The following ZNF285 variants were observed in gnomAD, a reference collection of about 807,000 sequenced individuals.
ZNF285 encodes the protein zinc finger protein 285, also known as zinc finger protein 285A.
In ZNF285, 4 loss-of-function variants were observed where a neutral mutation model predicts 6.2. The observed-to-expected ratio is 0.65, with a 90% CI of 0.32 to 1.49. ZNF285 has a LOEUF of 1.49. ZNF285 is among the 40% of genes most tolerant of loss of function. The pLI is 0.07. For synonymous variants in ZNF285, 240 were observed against 245.8 expected, an observed-to-expected ratio of 0.98 and a Z score of 0.22; for missense variants, 695 against 708.8, an observed-to-expected ratio of 0.98 and a Z score of 0.22.
chr19:44,398,349 T>C (rs1455498947), intron 1 of ZNF285, among the ~76,000 whole-genome samples: 3 of 152,132 alleles, frequency 2.0e-5, no homozygotes, highest in Non-Finnish European at 4.4e-5. Context: ...CCAGTTAGCT[T>C]CCAGTTGGGT....
chr19:44,387,286 T>A lies in ZNF285; in HGVS notation c.959A>T (p.Glu320Val). Residue 320 changes from glutamate to valine, a missense_variant, in exon 4 of 4, where the codon GAA becomes GTA. Glu to Val is a moderately radical substitution (Grantham distance 121, BLOSUM62 -2). Transcript: ENST00000614994. ...SSGDKPYKCK[E>V]CGKGFRRSSS... ...GCTGCGCCTGAAGCCCTTGCCACAT[T>A]CTTTACATTTGTAGGGTTTGTCTCC... is the stretch of plus-strand genomic sequence containing the variant. 6.2e-7 allele frequency: 1 copy of A among 1,614,186 alleles called. No individual in the cohort carries two copies. The highest frequency in any genetic ancestry group is 1.1e-5 in the South Asian group (1 of 91,088).
intron 2 of ZNF285, among the ~76,000 whole-genome samples, chr19:44,394,082 A>T (rs979692041): frequency 1.3e-5 from 2 of 151,880 alleles, no homozygotes; most frequent in African/African-American, 2.4e-5. Flanking sequence ...ATGCAGCCAT[A>T]AAAAAATGAT....
At chr19:44,394,643 A>C in intron 2 of ZNF285, 1 of 501,458 alleles carries the variant, frequency 2.0e-6, no homozygotes. Context: ...CTATGGCTGC[A>C]TATATCGCAC....
Position 44,394,196 on chromosome 19 carries a change from G to T in ZNF285, c.16-1730C>A, listed in dbSNP as rs373127236. Among the ~76,000 whole-genome samples the T allele has an allele frequency of 2.6e-5, 4 of 151,914 alleles. No individual in the cohort carries two copies. In the East Asian group the frequency reaches 7.7e-4, roughly 29 times the overall value. On this transcript the variant is annotated intron_variant, in intron 2 of 3. Coordinates refer to ENST00000614994, the MANE Select transcript of ZNF285 (RefSeq NM_152354.6). ...AAACACCACATGTTCTCACTCATAG[G>T]TGGGAATTGAACAATGAGAATACAT... is the stretch of plus-strand genomic sequence containing the variant.
intron 3 of ZNF285, among the ~76,000 whole-genome samples, chr19:44,390,300 A>C (rs781486822): frequency 7.2e-5 from 11 of 152,168 alleles, no homozygotes; most frequent in Non-Finnish European, 1.3e-4. Flanking sequence ...GGAGCTGCCC[A>C]AGACCATGGA....
At position 44,388,032 on chromosome 19, in the gene ZNF285, A is replaced by T; in HGVS notation, c.213T>A (p.Leu71=). 2 of 1,614,178 alleles carry T rather than the reference A, an allele frequency of 1.2e-6. No individual in the cohort carries two copies. Among genetic ancestry groups the T allele is most frequent in the Non-Finnish European group, 8.5e-7 (1 of 1,180,012 alleles). The change falls in exon 4 of 4, where the codon CTT becomes CTA. Residue 71 remains leucine, a synonymous_variant. Coordinates refer to ENST00000614994, the MANE Select transcript of ZNF285 (RefSeq NM_152354.6). The part of the protein sequence containing the change: ...KGLSYLSQEV[L]HCWQIWKQRI... ...TTTGTTTCCAAATCTGCCAGCAATG[A>T]AGCACTTCTTGCGAAAGGTAACTTA...
At chr19:44,389,567 C>T (rs112190832) in intron 3 of ZNF285, among the ~76,000 whole-genome samples, 2 of 152,130 alleles carry the variant, frequency 1.3e-5, no homozygotes, top group South Asian at 2.1e-4. Context: ...TACTTACATA[C>T]GATGTGCAAT....
At chr19:44,390,796 G>A (rs1195279531) in intron 3 of ZNF285, among the ~76,000 whole-genome samples, 1 of 151,742 alleles carries the variant, frequency 6.6e-6, no homozygotes, top group Non-Finnish European at 1.5e-5. Flanking sequence ...TGAATTATGG[G>A]GGCGGGTCTT....
intron 2 of ZNF285, chr19:44,394,418 A>G (rs1408918184): frequency 2.3e-6 from 1 of 432,232 alleles, no homozygotes; most frequent in Non-Finnish European, 4.1e-6. Context: ...TAATAAAAAA[A>G]AAAGAAGTAC....
intron 2 of ZNF285, among the ~76,000 whole-genome samples, chr19:44,394,063 T>C (rs1971240039): frequency 6.6e-6 from 1 of 152,120 alleles, no homozygotes; most frequent in Non-Finnish European, 1.5e-5. Flanking sequence ...ATATACACCA[T>C]GGAATACTAT....
chr19:44,388,326 C>T (rs112431306), intron 3 of ZNF285, among the ~76,000 whole-genome samples: 10 of 152,078 alleles, frequency 6.6e-5, no homozygotes, highest in Admixed American at 2.0e-4. Flanking sequence ...ATGCCTGTAA[C>T]AGCAACACTT....
chr19:44,396,883 C>A, intron 2 of ZNF285: 1 of 332,470 alleles, frequency 3.0e-6, no homozygotes, highest in Non-Finnish European at 5.2e-6. Flanking sequence ...GCGGCAACAC[C>A]AAATTTCTGT....
chr19:44,390,769 A>G (rs1971180031), intron 3 of ZNF285, among the ~76,000 whole-genome samples: 1 of 150,504 alleles, frequency 6.6e-6, no homozygotes, highest in Admixed American at 6.6e-5. Flanking sequence ...CATGAGAGGA[A>G]CCTGGTAGGG....
At chr19:44,393,454 T>A (rs1366695872) in intron 2 of ZNF285, among the ~76,000 whole-genome samples, 4 of 152,172 alleles carry the variant, frequency 2.6e-5, no homozygotes, top group Non-Finnish European at 5.9e-5. Flanking sequence ...GTTCATATCC[T>A]TCACCCACTT....
rs747213869 is a variant in ZNF285, at chr19:44,387,986, T to C, written c.259A>G (p.Ser87Gly). 3 of 1,614,188 alleles carry C rather than the reference T, an allele frequency of 1.9e-6. No homozygotes were observed. Among genetic ancestry groups the C allele is most frequent in the Non-Finnish European group, 2.5e-6 (3 of 1,180,018 alleles). ...WKQRIRDLTVSQDYIVNLQEE... is the reference protein window; with the variant it reads ...WKQRIRDLTVGQDYIVNLQEE... ...TGAAGGTTCACGATATAATCCTGAC[T>C]CACAGTTAAATCCCGGATCCTTTGT... Residue 87 changes from serine to glycine, a missense_variant, in exon 4 of 4, where the codon AGT (serine) becomes GGT (glycine). Transcript: ENST00000614994.
Position 44,397,179 on chromosome 19 carries a change from G to A in ZNF285, c.15+20C>T, listed in dbSNP as rs572855367. 14 of 1,613,834 alleles carry A rather than the reference G, an allele frequency of 8.7e-6. No homozygotes were observed. In the South Asian group the frequency reaches 1.5e-4, roughly 18 times the overall value. ...TCAGAATGAACAGCATATTTAAAGA[G>A]AAAGAAACCCTTAACTTACCTGGAA... On this transcript the variant is annotated intron_variant, in intron 2 of 3. Transcript: ENST00000614994.
chr19:44,384,465 C>A lies in ZNF285; in HGVS notation c.*2007G>T, dbSNP rs536346225. ...ACTTATGTAAGAACACTCATTTCCT[C>A]ATTTCTACTGACATAGAATTTTTAA... is the stretch of plus-strand genomic sequence containing the variant. On this transcript the variant is annotated 3_prime_UTR_variant, in exon 4 of 4. Coordinates refer to ENST00000614994, the MANE Select transcript of ZNF285 (RefSeq NM_152354.6). 1 of 152,314 alleles carries A rather than the reference C, an allele frequency of 6.6e-6. No homozygotes were observed. Among genetic ancestry groups the A allele is most frequent in the African/African-American group, 2.4e-5 (1 of 41,564 alleles). 9.4% of individuals were successfully genotyped at this position (152,314 alleles called of 1,614,324 possible).
Position 44,387,949 on chromosome 19 carries a change from G to A in ZNF285, c.296C>T (p.Ser99Phe). The A allele has an allele frequency of 1.9e-6, 3 of 1,614,116 alleles. No homozygotes were observed. The highest frequency in any genetic ancestry group is 2.5e-6 in the Non-Finnish European group (3 of 1,180,006). The change falls in exon 4 of 4, where the codon TCC becomes TTC. Residue 99 changes from serine to phenylalanine, a missense_variant. Ser to Phe is a radical substitution (Grantham distance 155). Coordinates refer to ENST00000614994, the MANE Select transcript of ZNF285 (RefSeq NM_152354.6). ...DYIVNLQEEC[S>F]PHLEDVSLSE... ...GAGGGAAACATCTTCTAAATGTGGG[G>A]AACACTCTTCTTGAAGGTTCACGAT...
chr19:44,392,513 G>A (rs1479551470), intron 2 of ZNF285, 47 bp from the exon 3 acceptor site: 1 of 1,613,452 alleles, frequency 6.2e-7, no homozygotes, highest in Non-Finnish European at 8.5e-7. Flanking sequence ...ACAAATGACT[G>A]GTCTTAGTCT....
Sources: allele counts gnomAD v4.1 joint callset (sites outside exome capture counted in the v4.1 genomes callset), GRCh38; gene constraint gnomAD v4.1.1; transcripts MANE v1.5; gene names NCBI Gene and HGNC (gene_info 2026-07-23, HGNC 2026-07-21).